Variants in MARK3 observed in about 807,000 individuals in gnomAD.
MARK3 encodes microtubule affinity regulating kinase 3.
In MARK3, 46 loss-of-function variants were observed where a neutral mutation model predicts 90.1. That is an observed-to-expected ratio of 0.51 (90% CI 0.40 to 0.65). The LOEUF (loss-of-function observed/expected upper bound fraction) is 0.65, where lower values mean the gene tolerates loss of function less well. Among genes scored for constraint, MARK3 ranks in the 30% least tolerant of loss-of-function variants. The pLI is 0.00. For synonymous variants in MARK3, 321 were observed against 332.6 expected, an observed-to-expected ratio of 0.97 and a Z score of 0.38; for missense variants, 818 against 947.2, an observed-to-expected ratio of 0.86 and a Z score of 1.79.
intron 1 of MARK3, among the ~76,000 whole-genome samples, chr14:103,400,918 A>AAG (rs59845989): frequency 6.8e-6 from 1 of 147,274 alleles, no homozygotes; most frequent in African/African-American, 2.5e-5. Flanking sequence ...AAAAAAAAAA[A>AAG]GTTATCAAAG....
At chr14:103,414,706 G>C (rs1046729289) in intron 2 of MARK3, among the ~76,000 whole-genome samples, 2 of 152,204 alleles carry the variant, frequency 1.3e-5, no homozygotes, top group African/African-American at 4.8e-5. Flanking sequence ...GTATTATGTT[G>C]AGAGTTTTAA....
In MARK3 at chr14:103,466,944, C is replaced by T. The variant is rs192327206; in HGVS notation, c.998-135C>T. On this transcript the variant is annotated intron_variant, in intron 10 of 17. Coordinates refer to ENST00000429436, the MANE Select transcript of MARK3 (RefSeq NM_001128918.3). ...GCTTGAATCTGGGAGGTGGAGGTTG[C>T]GGTGAGCCAAGATCGCGCCATTGCA... The T allele has an allele frequency of 1.1e-3, 464 of 435,270 alleles. 1 individual carries two copies. Among genetic ancestry groups the T allele is most frequent in the Middle Eastern group, 2.5e-3 (4 of 1,574 alleles). The allele number at this position is 435,270 out of a possible 1,614,324, so 27.0% of individuals were successfully genotyped here. A position where few individuals can be genotyped will look rare whatever the true frequency, so the allele number is the denominator to read the frequency against.
chr14:103,480,414 C>G lies in MARK3; in HGVS notation c.1510C>G (p.Arg504Gly). 6.2e-7 allele frequency: 1 copy of G among 1,612,690 alleles called. No individual in the cohort carries two copies. ...TAACACAGCATCTGGTGGAATGACA[C>G]GACGAAATACTTATGTTTGCAGTGA... Reference protein sequence around the residue: ...SSNTASGGMTRRNTYVCSERT... With the variant: ...SSNTASGGMTGRNTYVCSERT... The change falls in exon 14 of 18, where the codon CGA becomes GGA. Residue 504 changes from arginine (R) to glycine (G), a missense_variant. By Grantham distance (125) the Arg-to-Gly change is moderately radical (BLOSUM62 -2). This residue lies in a region of MARK3 where 560 missense variants were observed against 613.5 expected (regional missense o/e 0.91). Coordinates refer to ENST00000429436, the MANE Select transcript of MARK3 (RefSeq NM_001128918.3).
At chr14:103,415,673 C>T (rs1485362606) in intron 2 of MARK3, among the ~76,000 whole-genome samples, 1 of 152,180 alleles carries the variant, frequency 6.6e-6, no homozygotes, top group African/African-American at 2.4e-5. Context: ...GACCTTTCCC[C>T]TCACACGAAC....
intron 3 of MARK3, among the ~76,000 whole-genome samples, chr14:103,447,913 C>T (rs2093035675): frequency 6.6e-6 from 1 of 152,092 alleles, no homozygotes; most frequent in Non-Finnish European, 1.5e-5. Context: ...GCTGGGACTA[C>T]AGACACATGC....
At chr14:103,472,892 G>C (rs762492768) in intron 12 of MARK3, among the ~76,000 whole-genome samples, 8 of 151,814 alleles carry the variant, frequency 5.3e-5, no homozygotes, top group Non-Finnish European at 1.0e-4. Flanking sequence ...TGTAGTCCCA[G>C]CTACTTGTGA....
At chr14:103,419,368 T>A (rs1383391826) in intron 2 of MARK3, among the ~76,000 whole-genome samples, 1 of 152,188 alleles carries the variant, frequency 6.6e-6, no homozygotes, top group Non-Finnish European at 1.5e-5. Flanking sequence ...TGATAGCTGC[T>A]GAATTGGAAG....
At chr14:103,424,063 C>G (rs1228486939) in intron 2 of MARK3, among the ~76,000 whole-genome samples, 1 of 152,110 alleles carries the variant, frequency 6.6e-6, no homozygotes, top group Non-Finnish European at 1.5e-5. Context: ...CAAAAATTAG[C>G]TGGGTGTGGT....
intron 2 of MARK3, among the ~76,000 whole-genome samples, chr14:103,424,291 G>A (rs928231450): frequency 1.3e-5 from 2 of 151,922 alleles, no homozygotes; most frequent in East Asian, 1.9e-4. Flanking sequence ...CTAGCACTTC[G>A]GGAGGCTGAG....
intron 3 of MARK3, among the ~76,000 whole-genome samples, chr14:103,433,448 C>G (rs1217842892): frequency 1.3e-5 from 2 of 151,702 alleles, no homozygotes; most frequent in Non-Finnish European, 2.9e-5. Context: ...AATGGCAGTA[C>G]TTTGGGAGGC....
At position 103,427,497 on chromosome 14, in the gene MARK3, C is replaced by A. The variant is rs867575468; in HGVS notation, c.244-890C>A. 6.8e-3 allele frequency among the ~76,000 whole-genome samples: 757 copies of A among 110,724 alleles called. 7 individuals carry two copies. The highest frequency in any genetic ancestry group is 0.015 in the African/African-American group (445 of 30,548). 72.6% of individuals were successfully genotyped at this position (110,724 alleles called of 152,430 possible). On this transcript the variant is annotated intron_variant, in intron 2 of 17. Transcript: ENST00000429436. ...CCTAGGCAACAGAGGGAGACTGTTT[C>A]AAAAAAAAAAAAAAAAGAAACAAAA...
At chr14:103,487,571 G>T (rs2093951768) in intron 14 of MARK3, among the ~76,000 whole-genome samples, 1 of 151,918 alleles carries the variant, frequency 6.6e-6, no homozygotes, top group South Asian at 2.1e-4. Flanking sequence ...GTATTCACCA[G>T]GGAAAGGGTC....
intron 12 of MARK3, among the ~76,000 whole-genome samples, chr14:103,469,528 C>T (rs71417863): frequency 0.28 from 42,887 of 151,660 alleles, 7,210 homozygotes; most frequent in Non-Finnish European, 0.36. Context: ...TCTTGTTACC[C>T]AGGCTGGAGT....
chr14:103,461,900 G>A (rs1466169578), intron 6 of MARK3, among the ~76,000 whole-genome samples: 1 of 152,102 alleles, frequency 6.6e-6, no homozygotes, highest in South Asian at 2.1e-4. Flanking sequence ...GCCGGGCATG[G>A]TGGTGCACAC....
rs568902939 is a variant in MARK3 at position 103,466,752 on chromosome 14, C to G, written c.997+310C>G. On this transcript the variant is annotated intron_variant, in intron 10 of 17. Coordinates refer to ENST00000429436, the MANE Select transcript of MARK3 (RefSeq NM_001128918.3). ...GGGCGTGGTGGCTCACGCCTGTAATCCCAGCACTTTGGGAGGCCAAGGCGG... is the reference window on the plus strand; with the variant it reads ...GGGCGTGGTGGCTCACGCCTGTAATGCCAGCACTTTGGGAGGCCAAGGCGG... Among the ~76,000 whole-genome samples the G allele has an allele frequency of 1.6e-4, 24 of 152,228 alleles. No homozygotes were observed. In the South Asian group the frequency reaches 5.0e-3, roughly 32 times the overall value.
At chr14:103,408,586 G>A (rs1168228393) in intron 2 of MARK3, among the ~76,000 whole-genome samples, 2 of 152,154 alleles carry the variant, frequency 1.3e-5, no homozygotes, top group African/African-American at 2.4e-5. Context: ...CACATATGGC[G>A]TAGCATTCAT....
chr14:103,448,102 C>T (rs1489073024), intron 3 of MARK3, among the ~76,000 whole-genome samples: 2 of 152,170 alleles, frequency 1.3e-5, no homozygotes, highest in African/African-American at 4.8e-5. Context: ...CCTGGGTTCA[C>T]TTGTGTGGCT....
At chr14:103,469,421 A>C (rs930584872) in intron 12 of MARK3, 1 of 152,012 alleles carries the variant, frequency 6.6e-6, no homozygotes, top group Non-Finnish European at 1.5e-5. Flanking sequence ...AGCTCAAGCA[A>C]TCCACTCACC....
rs1162771256 is a variant in MARK3 at position 103,438,507 on chromosome 14, T to TA, written c.297+10068dup. ...ATATGGGAAGGATAACAAAGGAACA[T>TA]ATGGAAATTCAGCTTGCATGTGGTA... On this transcript the variant is annotated intron_variant, in intron 3 of 17. Coordinates refer to ENST00000429436, the MANE Select transcript of MARK3 (RefSeq NM_001128918.3). Among the ~76,000 whole-genome samples, 3 of 152,276 alleles carry TA rather than the reference T, an allele frequency of 2.0e-5. No individual in the cohort carries two copies. In the East Asian group the frequency reaches 5.8e-4, roughly 29 times the overall value.
Sources: gnomAD v4.1 joint callset for allele counts (sites outside exome capture counted in the v4.1 genomes callset) on GRCh38, gnomAD v4.1.1 for gene constraint, gnomAD v4.1.1 regional missense constraint, MANE v1.5 for transcripts, NCBI Gene and HGNC (gene_info 2026-07-23, HGNC 2026-07-21) for gene names.